FGF14: variants seen among roughly 807,000 people sequenced by gnomAD.
FGF14 encodes fibroblast growth factor homologous factor 4.
Under a neutral mutation model 25.5 loss-of-function variants are expected in FGF14, and 5 were observed. The ratio of observed to expected loss-of-function variants is 0.20; its 90% CI spans 0.10 to 0.41. The LOEUF is 0.41. Ranked by LOEUF, FGF14 falls within the 10% of genes least tolerant of loss-of-function variation. The probability of loss-of-function intolerance (pLI) is 1.00; values close to 1 mark genes in which losing one functional copy is unlikely to be tolerated. For synonymous variants in FGF14, 138 were observed against 118.3 expected, an observed-to-expected ratio of 1.17 and a Z score of -1.08; for missense variants, 222 against 320.1, an observed-to-expected ratio of 0.69 and a Z score of 2.34.
intron 3 of FGF14, among the ~76,000 whole-genome samples, chr13:101,866,442 ACT>A (rs981258300): frequency 6.6e-5 from 10 of 152,166 alleles, no homozygotes; most frequent in Admixed American, 4.6e-4. Context: ...AGATTCTTAA[ACT>A]CTCTGTATAT....
At chr13:102,200,975 G>A (rs940579729) in intron 1 of FGF14, among the ~76,000 whole-genome samples, 4 of 151,774 alleles carry the variant, frequency 2.6e-5, no homozygotes, top group Non-Finnish European at 4.4e-5. Context: ...GGTGGGGGGC[G>A]CCTGTAGTCC....
intron 1 of FGF14, among the ~76,000 whole-genome samples, chr13:102,226,962 A>G (rs2050851780): frequency 1.3e-5 from 2 of 152,058 alleles, no homozygotes; most frequent in South Asian, 4.2e-4. Context: ...AGCCGGGAAC[A>G]TTAAGATCAT....
At chr13:101,954,644 A>G (rs2036395728) in intron 1 of FGF14, among the ~76,000 whole-genome samples, 1 of 152,208 alleles carries the variant, frequency 6.6e-6, no homozygotes, top group Non-Finnish European at 1.5e-5. Flanking sequence ...AGGCTGAGCT[A>G]TGCTCCCATG....
intron 4 of FGF14, among the ~76,000 whole-genome samples, chr13:101,724,876 T>C (rs577434366): frequency 4.0e-5 from 6 of 151,788 alleles, no homozygotes; most frequent in Non-Finnish European, 8.8e-5. Context: ...CTCATATATA[T>C]ATATGTATAT....
At chr13:102,044,040 A>G (rs2041865980) in intron 1 of FGF14, among the ~76,000 whole-genome samples, 1 of 152,216 alleles carries the variant, frequency 6.6e-6, no homozygotes, top group South Asian at 2.1e-4. Context: ...GTGAATGCCA[A>G]TGCCCAAAGT....
At chr13:101,921,488 T>G (rs1009688420), upstream of FGF14, among the ~76,000 whole-genome samples, 6 of 152,216 alleles carry the variant, frequency 3.9e-5, no homozygotes, top group Admixed American at 2.0e-4. Flanking sequence ...CATATTAATG[T>G]CATTTCTTTC....
intron 1 of FGF14, among the ~76,000 whole-genome samples, chr13:102,155,483 T>A (rs1360424917): frequency 6.6e-6 from 1 of 151,406 alleles, no homozygotes; most frequent in African/African-American, 2.4e-5. Context: ...AGACACAACA[T>A]ACCAGAATCT....
intron 1 of FGF14, among the ~76,000 whole-genome samples, chr13:102,091,524 ACTTG>A (rs1417695764): frequency 6.6e-6 from 1 of 152,146 alleles, no homozygotes; most frequent in East Asian, 1.9e-4. Context: ...TTTGTTCAAC[ACTTG>A]GAGAACCAGG....
At chr13:102,335,370 T>C (rs1373381613) in intron 1 of FGF14, among the ~76,000 whole-genome samples, 1 of 152,208 alleles carries the variant, frequency 6.6e-6, no homozygotes. Context: ...TATCTCTAAT[T>C]GCTATCTATG....
rs188759732 is a variant in FGF14, at chr13:101,736,133, A to G, written c.409-9323T>C. Among the ~76,000 whole-genome samples the G allele has an allele frequency of 2.3e-3, 346 of 152,270 alleles. 3 individuals carry two copies. Among genetic ancestry groups the G allele is most frequent in the African/African-American group, 7.7e-3 (319 of 41,542 alleles). ...ATCCTCTATTTTAAGGACACTTCAG[A>G]CTCAGTGATTTATACTTTCATTGTA... On this transcript the variant is annotated intron_variant, in intron 3 of 4. Coordinates refer to ENST00000376143, the MANE Select transcript of FGF14 (RefSeq NM_004115.4).
chr13:102,143,115 C>A (rs1197382823), intron 1 of FGF14, among the ~76,000 whole-genome samples: 1 of 152,160 alleles, frequency 6.6e-6, no homozygotes, highest in Non-Finnish European at 1.5e-5. Context: ...CACAGATACC[C>A]ACTTATCCTC....
At chr13:101,915,292 C>G (rs905750559) in intron 1 of FGF14, among the ~76,000 whole-genome samples, 1 of 152,218 alleles carries the variant, frequency 6.6e-6, no homozygotes, top group African/African-American at 2.4e-5. Context: ...AGGACACGCA[C>G]TCACTCTTTG....
chr13:102,215,847 A>G (rs972318354), intron 1 of FGF14, among the ~76,000 whole-genome samples: 7 of 152,224 alleles, frequency 4.6e-5, no homozygotes, highest in African/African-American at 1.7e-4. Flanking sequence ...TTTTAGGCAC[A>G]CGTTTCCTCT....
chr13:102,357,262 G>A (rs2057445330), intron 1 of FGF14, among the ~76,000 whole-genome samples: 2 of 151,946 alleles, frequency 1.3e-5, no homozygotes, highest in East Asian at 3.9e-4. Context: ...CCTTCACAGT[G>A]TACTATGTAA....
intron 3 of FGF14, among the ~76,000 whole-genome samples, chr13:101,745,395 T>C (rs1345893977): frequency 6.6e-6 from 1 of 152,034 alleles, no homozygotes; most frequent in Non-Finnish European, 1.5e-5. Context: ...AGGGTTCACT[T>C]TGGGTGCTGT....
chr13:102,259,936 C>T (rs2052636371), intron 1 of FGF14, among the ~76,000 whole-genome samples: 1 of 152,192 alleles, frequency 6.6e-6, no homozygotes, highest in Admixed American at 6.5e-5. Context: ...ATAAATACTA[C>T]TTCTTCAGTC....
At chr13:101,926,155 T>A (rs560905979) in intron 1 of FGF14, among the ~76,000 whole-genome samples, 1 of 152,186 alleles carries the variant, frequency 6.6e-6, no homozygotes, top group Non-Finnish European at 1.5e-5. Flanking sequence ...GATAAGGATA[T>A]GGGCACCTTG....
chr13:101,788,018 T>C (rs112348541), intron 3 of FGF14, among the ~76,000 whole-genome samples: 2,637 of 152,140 alleles, frequency 0.017, 64 homozygotes, highest in African/African-American at 0.061. Flanking sequence ...ATTACAGGCT[T>C]GTGGCACTAC....
In FGF14 at chr13:101,712,534, T is replaced by C. The variant is rs1037504305; in HGVS notation, c.*10297A>G. On this transcript the variant is annotated 3_prime_UTR_variant, in exon 5 of 5. Coordinates refer to ENST00000376143, the MANE Select transcript of FGF14 (RefSeq NM_004115.4). Reference sequence around the variant, plus strand: ...TTCATGAATTGTGACATATATAAAATGATATCCTGGGTGTATATATGAATA... The same window carrying C: ...TTCATGAATTGTGACATATATAAAACGATATCCTGGGTGTATATATGAATA... The C allele has an allele frequency of 1.3e-5, 2 of 152,162 alleles. No homozygotes were observed. The highest frequency in any genetic ancestry group is 2.4e-5 in the African/African-American group (1 of 41,436). 9.4% of individuals were successfully genotyped at this position (152,162 alleles called of 1,614,324 possible).
Sources: allele counts gnomAD v4.1 joint callset (sites outside exome capture counted in the v4.1 genomes callset), GRCh38; gene constraint gnomAD v4.1.1; transcripts MANE v1.5; gene names NCBI Gene and HGNC (gene_info 2026-07-23, HGNC 2026-07-21).